TWF2: variants seen among roughly 807,000 people sequenced by gnomAD.
The protein encoded by TWF2 is twinfilin-2.
In TWF2, 15 loss-of-function variants were observed where a neutral mutation model predicts 45.1. That is an observed-to-expected ratio of 0.33 (90% CI 0.22 to 0.51). The LOEUF is 0.51. TWF2 is among the 20% of genes least tolerant of loss of function. TWF2 has a pLI of 0.97. For missense variants in TWF2, 423 were observed against 469.1 expected (o/e 0.90, Z 0.91); for synonymous variants, 177 against 195.8 (o/e 0.90, Z 0.80).
chr3:52,229,710 C>A lies in TWF2; in HGVS notation c.833G>T (p.Arg278Leu). The A allele has an allele frequency of 2.5e-6, 4 of 1,613,362 alleles. No individual in the cohort carries two copies. The highest frequency in any genetic ancestry group is 3.4e-6 in the Non-Finnish European group (4 of 1,180,016). Residue 278 changes from arginine to leucine, a missense_variant, in exon 8 of 9, where the codon CGC (arginine) becomes CTC (leucine). Transcript: ENST00000305533. The stretch of plus-strand genomic sequence containing the variant: ...GTCCTGCTCCACGGAGTCGAGGAGG[C>A]GGCTCTTGCAGCTGGAGTAGAGCAT... ...ERMLYSSCKS[R>L]LLDSVEQDFH...
In TWF2 at chr3:52,229,995, C is replaced by A; in HGVS notation, c.685G>T (p.Val229Leu). ...TGGTAGCGGGCAGCATCTCGGGGCA[C>A]CCGGGAGGGCAGCTGGGCCACATCC... ...PTDVAQLPSR[V>L]PRDAARYHFF... The change falls in exon 7 of 9, where the codon GTG becomes TTG. Residue 229 changes from valine to leucine, a missense_variant. Transcript: ENST00000305533. The A allele has an allele frequency of 6.2e-7, 1 of 1,612,638 alleles. No homozygotes were observed. Among genetic ancestry groups the A allele is most frequent in the Non-Finnish European group, 8.5e-7 (1 of 1,179,928 alleles).
At chr3:52,233,102 G>C (rs352141) in intron 2 of TWF2, among the ~76,000 whole-genome samples, 7,412 of 152,344 alleles carry the variant, frequency 0.049, 210 homozygotes, top group African/African-American at 0.057. Flanking sequence ...CTGAAATGGG[G>C]CATCCAGCTG....
rs1015921719 is a variant in TWF2, at chr3:52,235,110, T to C, written c.26-4A>G. 3.0e-5 allele frequency: 49 copies of C among 1,613,686 alleles called. No individual in the cohort carries two copies. Among genetic ancestry groups the C allele is most frequent in the Non-Finnish European group, 3.9e-5 (46 of 1,180,012 alleles). ...AATTCCTTCAGCTCTTCCGTGGCTA[T>C]AAGAACAAGAAACATGGTGGGGGAT... On this transcript the variant is annotated splice_region_variant and splice_polypyrimidine_tract_variant and intron_variant, in intron 1 of 8. Transcript: ENST00000305533.
At position 52,231,533 on chromosome 3, in the gene TWF2, G is replaced by A. The variant is rs760771687; in HGVS notation, c.289C>T (p.Leu97=). The A allele has an allele frequency of 1.2e-6, 2 of 1,612,864 alleles. No individual in the cohort carries two copies. The highest frequency in any genetic ancestry group is 1.1e-5 in the South Asian group (1 of 91,006). Residue 97 remains leucine, a synonymous_variant, in exon 4 of 9, where the codon CTG becomes TTG. Coordinates refer to ENST00000305533, the MANE Select transcript of TWF2 (RefSeq NM_007284.4). ...CGCGTGGCCGCGTACAGCATCTTCAGCCGCACCTGAAGGGCAAGGGCCAAA... is the reference window on the plus strand; with the variant it reads ...CGCGTGGCCGCGTACAGCATCTTCAACCGCACCTGAAGGGCAAGGGCCAAA... The part of the protein sequence containing the change: ...AWSPDNSPVR[L]KMLYAATRAT...
chr3:52,229,152 T>G lies in TWF2; in HGVS notation c.932A>C (p.Glu311Ala), dbSNP rs758088169. ...AELTAEFLYD[E>A]VHPKQHAFKQ... ...GAAGGCGTGTTGCTTGGGGTGCACC[T>G]CGTCGTAGAGGAACTCTGCCGTCAG... is the stretch of plus-strand genomic sequence containing the variant. The change falls in exon 9 of 9, where the codon GAG becomes GCG. Residue 311 changes from glutamate to alanine, a missense_variant. Physicochemically the swap from Glu to Ala is moderately radical, Grantham distance 107. Transcript: ENST00000305533. 49 of 1,613,206 alleles carry G rather than the reference T, an allele frequency of 3.0e-5. No homozygotes were observed. Among genetic ancestry groups the G allele is most frequent in the Admixed American group, 6.7e-5 (4 of 60,008 alleles).
chr3:52,232,266 T>C, intron 2 of TWF2, 144 bp from the exon 3 acceptor site: 1 of 1,059,100 alleles, frequency 9.4e-7, no homozygotes, highest in African/African-American at 1.6e-5. Context: ...GTCCCAGAAG[T>C]GTGAGGCTGT....
At chr3:52,232,845 C>T (rs1469048729) in intron 2 of TWF2, among the ~76,000 whole-genome samples, 2 of 152,130 alleles carry the variant, frequency 1.3e-5, no homozygotes, top group African/African-American at 4.8e-5. Flanking sequence ...GGAGAAACCC[C>T]GTCTCTACTA....
In TWF2 at chr3:52,230,085, G is replaced by A. The variant is rs1373613747; in HGVS notation, c.610-15C>T. The stretch of plus-strand genomic sequence containing the variant: ...AGGTCCAGCTTCTGCCCAGGGCCAA[G>A]GGAAGATGGGAGAGCACCAGGTCGG... On this transcript the variant is annotated splice_polypyrimidine_tract_variant and intron_variant, in intron 6 of 8. Coordinates refer to ENST00000305533, the MANE Select transcript of TWF2 (RefSeq NM_007284.4). 1.3e-6 allele frequency: 2 copies of A among 1,563,902 alleles called. No individual in the cohort carries two copies. Among genetic ancestry groups the A allele is most frequent in the East Asian group, 2.3e-5 (1 of 43,810 alleles).
At chr3:52,238,106 G>C (rs1416174569) in intron 1 of TWF2, among the ~76,000 whole-genome samples, 1 of 152,164 alleles carries the variant, frequency 6.6e-6, no homozygotes, top group Non-Finnish European at 1.5e-5. Flanking sequence ...TGTGATGCGG[G>C]AATGGTGAAG....
At position 52,229,191 on chromosome 3, in the gene TWF2, C is replaced by A; in HGVS notation, c.893G>T (p.Gly298Val). 6.2e-7 allele frequency: 1 copy of A among 1,611,492 alleles called. No individual in the cohort carries two copies. Among genetic ancestry groups the A allele is most frequent in the Non-Finnish European group, 8.5e-7 (1 of 1,179,978 alleles). The change falls in exon 9 of 9, where the codon GGC becomes GTC. Residue 298 changes from glycine to valine, a missense_variant. Physicochemically the swap from Gly to Val is moderately radical, Grantham distance 109. Transcript: ENST00000305533. ...CTCTGCCGTCAGCTCTGCCCCATCGCCAATCTCAATCTGCATGGGGCAAGG... is the reference window on the plus strand; with the variant it reads ...CTCTGCCGTCAGCTCTGCCCCATCGACAATCTCAATCTGCATGGGGCAAGG... ...HLEIAKKIEI[G>V]DGAELTAEFL...
rs1425275250 is a variant in TWF2, at chr3:52,228,887, G to A, written c.*147C>T. ...AAGGGTCACAAAATGCCAGCCCGGT[G>A]GCCCTCGGACGCTGCAAGTGCGTTC... On this transcript the variant is annotated 3_prime_UTR_variant, in exon 9 of 9. Transcript: ENST00000305533. The A allele has an allele frequency of 1.3e-5, 16 of 1,213,072 alleles. No individual in the cohort carries two copies. The highest frequency in any genetic ancestry group is 1.8e-5 in the Non-Finnish European group (16 of 892,036). 75.1% of individuals were successfully genotyped at this position (1,213,072 alleles called of 1,614,324 possible).
intron 1 of TWF2, among the ~76,000 whole-genome samples, 171 bp downstream of exon 1, chr3:52,238,821 C>T (rs1192240654): frequency 6.6e-6 from 1 of 152,250 alleles, no homozygotes; most frequent in African/African-American, 2.4e-5. Context: ...GCTATGCACA[C>T]CACGTCCGTA....
intron 6 of TWF2, 104 bp downstream of exon 6, chr3:52,230,766 G>C (rs1464075074): frequency 3.5e-5 from 51 of 1,475,492 alleles, no homozygotes; most frequent in Non-Finnish European, 4.3e-5. Context: ...GAAGGGGACA[G>C]ACTGCAGGCT....
chr3:52,232,037 G>A lies in TWF2; in HGVS notation c.189C>T (p.Ala63=). ...YDRAVLPLLD[A]QQPCYLLYRL... ...GGTAGAGCAGGTAGCAGGGCTGCTG[G>A]GCGTCCAGCAGTGGCAGCACGGCCC... Residue 63 remains alanine, a synonymous_variant, in exon 3 of 9, where the codon GCC becomes GCT. Coordinates refer to ENST00000305533, the MANE Select transcript of TWF2 (RefSeq NM_007284.4). 6.2e-7 allele frequency: 1 copy of A among 1,613,984 alleles called. No individual in the cohort carries two copies. Among genetic ancestry groups the A allele is most frequent in the Non-Finnish European group, 8.5e-7 (1 of 1,179,924 alleles).
chr3:52,229,853 G>C, intron 7 of TWF2, 67 bp downstream of exon 7: 1 of 1,595,262 alleles, frequency 6.3e-7, no homozygotes, highest in Non-Finnish European at 8.6e-7. Flanking sequence ...GAGCAGGCCT[G>C]CCCCACTGCA....
At chr3:52,231,049 G>A (rs1699672584) in intron 5 of TWF2, 54 bp from the exon 6 acceptor site, 2 of 1,608,784 alleles carry the variant, frequency 1.2e-6, no homozygotes, top group East Asian at 2.2e-5. Flanking sequence ...GCAGGGTGTG[G>A]CTCCCAGGCA....
chr3:52,231,170 A>AG lies in TWF2; in HGVS notation c.439dup (p.Leu147ProfsTer5), dbSNP rs1699673773. On this transcript the variant is annotated frameshift_variant, in exon 5 of 9. Transcript: ENST00000305533. LOFTEE classifies it high-confidence loss of function. ...CTGGAGCTCTCTCTCAGCCGAGGTC[A>AG]GCGGGGCAGGTGCCGCACAGGACGA... 6.2e-7 allele frequency: 1 copy of AG among 1,613,960 alleles called. No homozygotes were observed. Among genetic ancestry groups the AG allele is most frequent in the Non-Finnish European group, 8.5e-7 (1 of 1,179,962 alleles).
intron 1 of TWF2, among the ~76,000 whole-genome samples, chr3:52,238,510 C>T (rs957689297): frequency 1.3e-5 from 2 of 152,126 alleles, no homozygotes; most frequent in Non-Finnish European, 2.9e-5. Context: ...ACACAGACAC[C>T]CACATACATG....
intron 1 of TWF2, among the ~76,000 whole-genome samples, chr3:52,237,168 T>C (rs1392587082): frequency 6.6e-6 from 1 of 152,160 alleles, no homozygotes; most frequent in Non-Finnish European, 1.5e-5. Context: ...CTTCTAGTGT[T>C]ACCAGGGCAA....
Sources: allele counts gnomAD v4.1 joint callset (sites outside exome capture counted in the v4.1 genomes callset), GRCh38; gene constraint gnomAD v4.1.1; transcripts MANE v1.5; gene names NCBI Gene and HGNC (gene_info 2026-07-23, HGNC 2026-07-21).